The following EPB41L4A variants were observed in gnomAD, a reference collection of about 807,000 sequenced individuals.
EPB41L4A encodes the protein erythrocyte membrane protein band 4.1 like 4A.
A neutral mutation model predicts 108.6 loss-of-function variants in EPB41L4A; 100 were observed. The observed-to-expected ratio is 0.92, with a 90% CI of 0.78 to 1.09. The LOEUF is 1.09. Ranked by LOEUF, EPB41L4A falls within the 50% of genes least tolerant of loss-of-function variation. The pLI, the probability that EPB41L4A is intolerant of heterozygous loss-of-function variation, is 0.00. For missense variants in EPB41L4A, 1,030 were observed against 842.7 expected (o/e 1.22, Z -2.75); for synonymous variants, 319 against 289.0 (o/e 1.10, Z -1.05).
intron 2 of EPB41L4A, among the ~76,000 whole-genome samples, chr5:112,296,906 A>G (rs61501911): frequency 0.16 from 25,006 of 152,016 alleles, 2,251 homozygotes; most frequent in East Asian, 0.28. Flanking sequence ...ATAGTCTCCA[A>G]TATCATCAAG....
intron 4 of EPB41L4A, among the ~76,000 whole-genome samples, chr5:112,275,008 T>C (rs1435825407): frequency 6.6e-6 from 1 of 152,198 alleles, no homozygotes; most frequent in African/African-American, 2.4e-5. Flanking sequence ...ATCCTTCCTT[T>C]AGGCAGTTCA....
intron 1 of EPB41L4A, among the ~76,000 whole-genome samples, chr5:112,395,610 G>A (rs558472702): frequency 3.5e-4 from 54 of 152,300 alleles, no homozygotes; most frequent in African/African-American, 1.2e-3. Context: ...GTGCTGGAGA[G>A]GATGTGGAGA....
At chr5:112,194,773 C>T (rs945218673) in intron 16 of EPB41L4A, 128 bp from the exon 17 acceptor site, 9 of 559,468 alleles carry the variant, frequency 1.6e-5, no homozygotes, top group Admixed American at 7.1e-5. Context: ...ACATCAAGAG[C>T]TGTATTATCC....
intron 1 of EPB41L4A, among the ~76,000 whole-genome samples, chr5:112,342,914 A>C (rs898489233): frequency 1.3e-5 from 2 of 152,188 alleles, no homozygotes; most frequent in Non-Finnish European, 2.9e-5. Context: ...TAACCTAGAA[A>C]CTATGCAAAG....
At chr5:112,161,409 C>T (rs145533460), downstream of EPB41L4A, 509 of 440,170 alleles carry the variant, frequency 1.2e-3, 6 homozygotes, top group African/African-American at 9.5e-3. Flanking sequence ...ATGTATTGTC[C>T]GTTTTTAGGC....
At chr5:112,225,527 G>A (rs1713126798) in intron 12 of EPB41L4A, among the ~76,000 whole-genome samples, 1 of 152,090 alleles carries the variant, frequency 6.6e-6, no homozygotes, top group Non-Finnish European at 1.5e-5. Flanking sequence ...TAATCTGTAG[G>A]GCTTTTGAAA....
At chr5:112,385,005 G>A (rs529268029) in intron 1 of EPB41L4A, among the ~76,000 whole-genome samples, 1 of 152,184 alleles carries the variant, frequency 6.6e-6, no homozygotes, top group Non-Finnish European at 1.5e-5. Flanking sequence ...CCCACTTCAG[G>A]AAGACACTGG....
At chr5:112,287,336 G>T (rs773993510) in intron 2 of EPB41L4A, among the ~76,000 whole-genome samples, 8 of 152,126 alleles carry the variant, frequency 5.3e-5, no homozygotes, top group Non-Finnish European at 1.0e-4. Context: ...TTTTCCATTG[G>T]TTCCAGTCAA....
At position 112,202,535 on chromosome 5, in the gene EPB41L4A, T is replaced by C. The variant is rs74684936; in HGVS notation, c.1376+1840A>G. On this transcript the variant is annotated intron_variant, in intron 15 of 22. Transcript: ENST00000261486. ...ATTATTGGGATTACATGAGATAATA[T>C]AGAGCAAGCACTTTGCTCAGTACTT... Among the ~76,000 whole-genome samples the C allele has an allele frequency of 4.0e-3, 611 of 152,240 alleles. 8 individuals carry two copies. Among genetic ancestry groups the C allele is most frequent in the African/African-American group, 0.014 (592 of 41,544 alleles).
intron 2 of EPB41L4A, among the ~76,000 whole-genome samples, chr5:112,302,598 G>C (rs1754435425): frequency 6.6e-6 from 1 of 152,116 alleles, no homozygotes; most frequent in Non-Finnish European, 1.5e-5. Flanking sequence ...TTTATAAACA[G>C]AGGAACTGAA....
chr5:112,339,494 ATC>A lies in EPB41L4A; in HGVS notation c.100-32006_100-32005del, dbSNP rs1210121838. Among the ~76,000 whole-genome samples, 142 of 39,864 alleles carry A rather than the reference ATC, an allele frequency of 3.6e-3. 1 individual carries two copies. Among genetic ancestry groups the A allele is most frequent in the Admixed American group, 0.011 (30 of 2,630 alleles). The allele number at this position is 39,864 out of a possible 152,430, so 26.2% of individuals were successfully genotyped here. On this transcript the variant is annotated intron_variant, in intron 1 of 22. Transcript: ENST00000261486. ...TATATCTATATATATATATATATATATCTATATATATATATAGATATATAGAT... is the reference window on the plus strand; with the variant it reads ...TATATCTATATATATATATATATATATATATATATATATAGATATATAGAT...
intron 1 of EPB41L4A, among the ~76,000 whole-genome samples, chr5:112,312,883 C>A: frequency 6.6e-6 from 1 of 152,110 alleles, no homozygotes; most frequent in East Asian, 1.9e-4. Context: ...CAGAAGAAAT[C>A]ATCTTTGAAT....
At chr5:112,340,206 C>T (rs2150696777) in intron 1 of EPB41L4A, among the ~76,000 whole-genome samples, 1 of 152,290 alleles carries the variant, frequency 6.6e-6, no homozygotes, top group Non-Finnish European at 1.5e-5. Flanking sequence ...ATTAGGAACC[C>T]CAGTGAAGAT....
intron 4 of EPB41L4A, among the ~76,000 whole-genome samples, chr5:112,267,644 A>G (rs887408257): frequency 2.6e-5 from 4 of 151,684 alleles, no homozygotes; most frequent in African/African-American, 9.7e-5. Flanking sequence ...CATCCCCTAC[A>G]CCAGGTCACT....
In EPB41L4A at chr5:112,262,504, T is replaced by G; in HGVS notation, c.632A>C (p.His211Pro). The change falls in exon 7 of 23, where the codon CAT becomes CCT. Residue 211 changes from histidine to proline, a missense_variant. By Grantham distance (77) the His-to-Pro change is moderately conservative. Coordinates refer to ENST00000261486, the MANE Select transcript of EPB41L4A (RefSeq NM_022140.5). ...TTAAATGTTACTCACATAGACGGGA[T>G]GGAGGTCAACGCCATACATCTCCAG... ...KSLEMYGVDL[H>P]PVYGENKSEY... 6.2e-7 allele frequency: 1 copy of G among 1,613,814 alleles called. No homozygotes were observed.
At chr5:112,319,363 A>G (rs1755623513) in intron 1 of EPB41L4A, among the ~76,000 whole-genome samples, 1 of 152,214 alleles carries the variant, frequency 6.6e-6, no homozygotes, top group Non-Finnish European at 1.5e-5. Flanking sequence ...AAAAGAAGAG[A>G]AATGTGTCCT....
intron 9 of EPB41L4A, among the ~76,000 whole-genome samples, chr5:112,255,634 T>C (rs918021629): frequency 1.3e-5 from 2 of 152,212 alleles, no homozygotes; most frequent in Non-Finnish European, 2.9e-5. Flanking sequence ...GGATGATTCT[T>C]TTCAGCCTCC....
Position 112,385,976 on chromosome 5 carries a change from A to C in EPB41L4A, c.99+32965T>G, listed in dbSNP as rs768332488. ...AATAGTTGTGAGCTCATTGTTAGCC[A>C]AATAATTAAATTTTTAATATGGTTT... is the stretch of plus-strand genomic sequence containing the variant. On this transcript the variant is annotated intron_variant, in intron 1 of 22. Coordinates refer to ENST00000261486, the MANE Select transcript of EPB41L4A (RefSeq NM_022140.5). Among the ~76,000 whole-genome samples the C allele has an allele frequency of 1.4e-4, 22 of 152,240 alleles. 1 individual carries two copies. Among genetic ancestry groups the C allele is most frequent in the Admixed American group, 2.6e-4 (4 of 15,282 alleles).
intron 1 of EPB41L4A, among the ~76,000 whole-genome samples, chr5:112,317,058 A>G (rs1221186520): frequency 6.6e-6 from 1 of 152,224 alleles, no homozygotes; most frequent in African/African-American, 2.4e-5. Flanking sequence ...GTCAGTGCAC[A>G]TGGAAAGGGA....
Sources: gnomAD v4.1 joint callset for allele counts (sites outside exome capture counted in the v4.1 genomes callset) on GRCh38, gnomAD v4.1.1 for gene constraint, MANE v1.5 for transcripts, NCBI Gene and HGNC (gene_info 2026-07-23, HGNC 2026-07-21) for gene names.